The following NELL2 variants were observed in gnomAD, a reference collection of about 807,000 sequenced individuals.
NELL2 encodes the protein neural EGFL like 2.
A neutral mutation model predicts 109.6 loss-of-function variants in NELL2; 41 were observed. The ratio of observed to expected loss-of-function variants is 0.37; its 90% CI spans 0.29 to 0.49. The LOEUF (loss-of-function observed/expected upper bound fraction) is 0.49, where lower values mean the gene tolerates loss of function less well. NELL2 is among the 20% of genes least tolerant of loss of function. The probability of loss-of-function intolerance (pLI) is 0.98; values close to 1 mark genes in which losing one functional copy is unlikely to be tolerated. For synonymous variants in NELL2, 355 were observed against 344.7 expected (o/e 1.03, Z -0.33); for missense variants, 900 against 1,008.3 (o/e 0.89, Z 1.45).
At chr12:44,542,242 C>T (rs554492241) in intron 15 of NELL2, among the ~76,000 whole-genome samples, 12 of 152,048 alleles carry the variant, frequency 7.9e-5, no homozygotes, top group Admixed American at 7.9e-4. Context: ...CAAGGATACA[C>T]CCCTCTCTCT....
intron 9 of NELL2, among the ~76,000 whole-genome samples, chr12:44,771,381 G>A (rs1342962844): frequency 6.6e-6 from 1 of 151,734 alleles, no homozygotes. Context: ...GTCAAACACA[G>A]CACTTTCAGA....
At position 44,777,527 on chromosome 12, in the gene NELL2, A is replaced by G. The variant is rs147904375; in HGVS notation, c.607-213T>C. Among the ~76,000 whole-genome samples, 17 of 152,294 alleles carry G rather than the reference A, an allele frequency of 1.1e-4. No homozygotes were observed. In the East Asian group the frequency reaches 2.3e-3, roughly 21 times the overall value. ...TTACCCATGTATTCTCTTATTGATA[A>G]TGTTTTTAAAGCCTTAAGATTAAAT... On this transcript the variant is annotated intron_variant, in intron 5 of 19. Transcript: ENST00000429094.
At chr12:44,846,760 CA>C (rs34762452) in intron 2 of NELL2, among the ~76,000 whole-genome samples, 48,180 of 152,092 alleles carry the variant, frequency 0.32, 8,440 homozygotes, top group Non-Finnish European at 0.4. Context: ...TGCAAGTGTA[CA>C]TATTTGTACT....
chr12:44,822,892 C>T (rs1943590096), intron 2 of NELL2, among the ~76,000 whole-genome samples: 1 of 152,018 alleles, frequency 6.6e-6, no homozygotes, highest in Admixed American at 6.6e-5. Flanking sequence ...GGGATTTAGA[C>T]AATGTGCTAG....
Position 44,812,304 on chromosome 12 carries a change from T to C in NELL2, c.335+3682A>G, listed in dbSNP as rs57656895. 6.2e-3 allele frequency among the ~76,000 whole-genome samples: 947 copies of C among 152,278 alleles called. 14 individuals are homozygous for C. The highest frequency in any genetic ancestry group is 0.022 in the African/African-American group (898 of 41,560). On this transcript the variant is annotated intron_variant, in intron 3 of 19. Coordinates refer to ENST00000429094, the MANE Select transcript of NELL2 (RefSeq NM_001145108.2). ...TGCTTCAAAGACCTTCATACCTAGATGTATGTTATCAACATCACTGTGGAT... is the reference window on the plus strand; with the variant it reads ...TGCTTCAAAGACCTTCATACCTAGACGTATGTTATCAACATCACTGTGGAT...
chr12:44,510,939 G>C (rs888986794), intron 19 of NELL2, among the ~76,000 whole-genome samples: 5 of 152,166 alleles, frequency 3.3e-5, no homozygotes, highest in Non-Finnish European at 7.4e-5. Flanking sequence ...CCAACAAAGT[G>C]ATGGGTGTAC....
chr12:44,556,377 T>G lies in NELL2; in HGVS notation c.1664-23656A>C, dbSNP rs146462479. 6.0e-5 allele frequency among the ~76,000 whole-genome samples: 9 copies of G among 151,172 alleles called. No homozygotes were observed. In the East Asian group the frequency reaches 1.4e-3, roughly 23 times the overall value. On this transcript the variant is annotated intron_variant, in intron 15 of 19. Transcript: ENST00000429094. Reference sequence around the variant, plus strand: ...GAGCTTGTCCTTGGGGTTGGGGGAGTGTGTGAGATCAAGATCTATGAGCAG... The same window carrying G: ...GAGCTTGTCCTTGGGGTTGGGGGAGGGTGTGAGATCAAGATCTATGAGCAG...
chr12:44,786,892 T>C (rs1942197240), intron 3 of NELL2, among the ~76,000 whole-genome samples: 1 of 151,806 alleles, frequency 6.6e-6, no homozygotes, highest in South Asian at 2.1e-4. Flanking sequence ...GGGGGCAAGA[T>C]GAGGGAGAGC....
chr12:44,647,642 G>T (rs1181312508), intron 13 of NELL2, among the ~76,000 whole-genome samples: 1 of 152,158 alleles, frequency 6.6e-6, no homozygotes, highest in African/African-American at 2.4e-5. Context: ...TCCACTGGCT[G>T]CTAAATTATC....
chr12:44,777,946 A>G (rs1941816255), intron 5 of NELL2, among the ~76,000 whole-genome samples: 1 of 152,174 alleles, frequency 6.6e-6, no homozygotes, highest in Non-Finnish European at 1.5e-5. Context: ...TCACATGTTT[A>G]TAGGCAAAAT....
At chr12:44,615,452 A>G (rs891609137) in intron 13 of NELL2, among the ~76,000 whole-genome samples, 5 of 152,142 alleles carry the variant, frequency 3.3e-5, no homozygotes, top group Admixed American at 2.6e-4. Context: ...AAACATTTTC[A>G]TAACAGAAAA....
chr12:44,670,079 T>C (rs2091464124), intron 12 of NELL2, among the ~76,000 whole-genome samples: 1 of 152,148 alleles, frequency 6.6e-6, no homozygotes, highest in Non-Finnish European at 1.5e-5. Flanking sequence ...GGGAGTGATG[T>C]ATTCAAAGTG....
chr12:44,691,316 C>T (rs1948893433), intron 12 of NELL2, among the ~76,000 whole-genome samples: 7 of 152,056 alleles, frequency 4.6e-5, no homozygotes, highest in Admixed American at 4.6e-4. Flanking sequence ...TTGGGGTTAT[C>T]TGTGAATAAT....
At chr12:44,596,713 C>T (rs964249106) in intron 15 of NELL2, among the ~76,000 whole-genome samples, 1 of 152,090 alleles carries the variant, frequency 6.6e-6, no homozygotes, top group Non-Finnish European at 1.5e-5. Flanking sequence ...CAGGCATAAG[C>T]CACATCACAT....
intron 3 of NELL2, among the ~76,000 whole-genome samples, chr12:44,815,398 A>T: frequency 6.6e-6 from 1 of 152,222 alleles, no homozygotes; most frequent in Admixed American, 6.5e-5. Context: ...TTAGAATATA[A>T]TATTTTTGTG....
At chr12:44,643,942 G>A (rs1035009774) in intron 13 of NELL2, among the ~76,000 whole-genome samples, 1 of 152,098 alleles carries the variant, frequency 6.6e-6, no homozygotes, top group African/African-American at 2.4e-5. Flanking sequence ...TTTCTACTTG[G>A]AACAATAACA....
At chr12:44,836,853 G>C (rs768012943) in intron 2 of NELL2, among the ~76,000 whole-genome samples, 1 of 152,214 alleles carries the variant, frequency 6.6e-6, no homozygotes, top group Non-Finnish European at 1.5e-5. Context: ...GTCTAGAAGA[G>C]AGATTTTTAA....
Position 44,819,446 on chromosome 12 carries a change from T to C in NELL2, c.185-3310A>G, listed in dbSNP as rs138026587. Reference sequence around the variant, plus strand: ...TGACTTTCTTTGGCTTTGACTAGACTAGTAATAGTGATACTGCGCTATTAG... The same window carrying C: ...TGACTTTCTTTGGCTTTGACTAGACCAGTAATAGTGATACTGCGCTATTAG... On this transcript the variant is annotated intron_variant, in intron 2 of 19. Coordinates refer to ENST00000429094, the MANE Select transcript of NELL2 (RefSeq NM_001145108.2). Among the ~76,000 whole-genome samples the C allele has an allele frequency of 1.0e-3, 155 of 152,334 alleles. 1 individual carries two copies. Among genetic ancestry groups the C allele is most frequent in the Admixed American group, 4.0e-3 (61 of 15,302 alleles).
intron 12 of NELL2, among the ~76,000 whole-genome samples, chr12:44,666,764 C>T (rs981357318): frequency 1.3e-5 from 2 of 152,226 alleles, no homozygotes; most frequent in Non-Finnish European, 2.9e-5. Flanking sequence ...AATTCCAAAC[C>T]TCTTATCTGA....
Sources: allele counts gnomAD v4.1 joint callset (sites outside exome capture counted in the v4.1 genomes callset), GRCh38; gene constraint gnomAD v4.1.1; transcripts MANE v1.5; gene names NCBI Gene and HGNC (gene_info 2026-07-23, HGNC 2026-07-21).